CYP2C19: variants seen among roughly 807,000 people sequenced by gnomAD.
The protein encoded by CYP2C19 is cytochrome P450 2C19.
CYP2C19 carries 59 observed loss-of-function variants against 40.9 expected under a neutral mutation model. That is an observed-to-expected ratio of 1.44 (90% confidence interval 1.17 to 1.79). CYP2C19 has a LOEUF of 1.79. Ranked by LOEUF, CYP2C19 falls within the 40% of genes most tolerant of loss-of-function variation. The pLI is 0.00. For missense variants in CYP2C19, 754 were observed against 596.9 expected (o/e 1.26, Z -2.74); for synonymous variants, 253 against 208.7 (o/e 1.21, Z -1.83).
rs1408572506 is a variant in CYP2C19 at position 94,771,342 on chromosome 10, G to A, written c.169-3716G>A. Among the ~76,000 whole-genome samples, 9 of 152,152 alleles carry A rather than the reference G, an allele frequency of 5.9e-5. No homozygotes were observed. The East Asian group carries it at 1.7e-3, about 29-fold the overall frequency. ...GTAGGCTAGGATACGGGGGTAAGCT[G>A]AAAAGTCCTCCTGTGGGATGTAAAT... is the stretch of plus-strand genomic sequence containing the variant. On this transcript the variant is annotated intron_variant, in intron 1 of 8. Transcript: ENST00000371321.
At chr10:94,850,183 C>T in intron 8 of CYP2C19, 125 bp downstream of exon 8, 1 of 1,135,902 alleles carries the variant, frequency 8.8e-7, no homozygotes, top group Non-Finnish European at 1.3e-6. Context: ...GAGCACTGTT[C>T]TGAATGCCTG....
intron 5 of CYP2C19, among the ~76,000 whole-genome samples, chr10:94,802,248 A>C (rs1848777145): frequency 2.0e-5 from 3 of 152,122 alleles, no homozygotes; most frequent in Non-Finnish European, 4.4e-5. Context: ...GGTGCATTTT[A>C]CAATCCTTTT....
At chr10:94,849,770 GTCTA>G (rs934978447) in intron 7 of CYP2C19, 143 bp from the exon 8 acceptor site, 18 of 982,496 alleles carry the variant, frequency 1.8e-5, no homozygotes, top group Non-Finnish European at 2.8e-5. Context: ...TTATTACTTC[GTCTA>G]TCTGTCTGGA....
chr10:94,847,775 TG>T (rs1849595302), intron 7 of CYP2C19, among the ~76,000 whole-genome samples: 1 of 152,176 alleles, frequency 6.6e-6, no homozygotes, highest in Admixed American at 6.5e-5. Flanking sequence ...CCATTCTAAC[TG>T]GTGTGAGATG....
At chr10:94,842,718 A>C in intron 6 of CYP2C19, 119 bp from the exon 7 acceptor site, 2 of 1,116,426 alleles carry the variant, frequency 1.8e-6, no homozygotes, top group Non-Finnish European at 2.7e-6. Context: ...TTCCAGCACT[A>C]TAATTTAAAT....
intron 5 of CYP2C19, among the ~76,000 whole-genome samples, chr10:94,814,597 G>T (rs574873344): frequency 2.6e-5 from 4 of 151,944 alleles, no homozygotes; most frequent in East Asian, 3.9e-4. Context: ...GGGTGCCTCA[G>T]TGGCCTAGGT....
intron 5 of CYP2C19, among the ~76,000 whole-genome samples, chr10:94,809,869 G>C (rs1589362586): frequency 6.6e-6 from 1 of 151,712 alleles, no homozygotes; most frequent in South Asian, 2.1e-4. Context: ...GATTATGTTT[G>C]TGTGTGTTTG....
intron 5 of CYP2C19, among the ~76,000 whole-genome samples, chr10:94,812,730 C>T (rs1471163327): frequency 2.0e-5 from 3 of 151,820 alleles, no homozygotes; most frequent in African/African-American, 7.3e-5. Context: ...TCCATCAGGT[C>T]ACTCATGTTC....
In CYP2C19 at chr10:94,791,017, T is replaced by A. The variant is rs368838551; in HGVS notation, c.819+9020T>A. On this transcript the variant is annotated intron_variant, in intron 5 of 8. Coordinates refer to ENST00000371321, the MANE Select transcript of CYP2C19 (RefSeq NM_000769.4). ...GGTTCTGGACTTTTTTTGGTTGGTA[T>A]GCTATTAATTATTGCCTCAATTTCA... Among the ~76,000 whole-genome samples the A allele has an allele frequency of 2.4e-4, 36 of 152,138 alleles. No individual in the cohort carries two copies. The South Asian group carries it at 7.5e-3, about 32-fold the overall frequency.
At chr10:94,770,304 G>A (rs1848310086) in intron 1 of CYP2C19, among the ~76,000 whole-genome samples, 1 of 152,104 alleles carries the variant, frequency 6.6e-6, no homozygotes, top group African/African-American at 2.4e-5. Context: ...TAGCAGACAT[G>A]GGTGAGGGGG....
chr10:94,842,893 C>G lies in CYP2C19; in HGVS notation c.1018C>G (p.Gln340Glu). The change falls in exon 7 of 9, where the codon CAG (glutamine) becomes GAG (glutamate). Residue 340 changes from glutamine to glutamate, a missense_variant. Coordinates refer to ENST00000371321, the MANE Select transcript of CYP2C19 (RefSeq NM_000769.4). ...TGGCAGAAACCGGAGCCCCTGCATG[C>G]AGGACAGGGGCCACATGCCCTACAC... ...VIGRNRSPCMQDRGHMPYTDA... is the reference protein window; with the variant it reads ...VIGRNRSPCMEDRGHMPYTDA... 4 of 1,613,748 alleles carry G rather than the reference C, an allele frequency of 2.5e-6. No individual in the cohort carries two copies. The highest frequency in any genetic ancestry group is 3.4e-6 in the Non-Finnish European group (4 of 1,179,628).
chr10:94,802,542 G>A (rs1290029364), intron 5 of CYP2C19, among the ~76,000 whole-genome samples: 2 of 151,986 alleles, frequency 1.3e-5, no homozygotes, highest in East Asian at 1.9e-4. Context: ...TATCCAATTT[G>A]CCAGTCTGTG....
chr10:94,842,393 G>GTTTTTT (rs57865512), intron 6 of CYP2C19, among the ~76,000 whole-genome samples: 2 of 86,944 alleles, frequency 2.3e-5, no homozygotes, highest in African/African-American at 4.5e-5. Context: ...TTTAAGTGAA[G>GTTTTTT]TTTTTTTTTT....
chr10:94,801,332 G>A lies in CYP2C19; in HGVS notation c.820-19164G>A, dbSNP rs116897631. On this transcript the variant is annotated intron_variant, in intron 5 of 8. Transcript: ENST00000371321. ...GGTTTCAAAGAACATTATTACTTTTGCCTTAATTTCGTTAGTTACTCAGTA... is the reference window on the plus strand; with the variant it reads ...GGTTTCAAAGAACATTATTACTTTTACCTTAATTTCGTTAGTTACTCAGTA... Among the ~76,000 whole-genome samples, 389 of 152,128 alleles carry A rather than the reference G, an allele frequency of 2.6e-3. 13 individuals carry two copies. The East Asian group carries it at 0.061, about 24-fold the overall frequency.
At chr10:94,835,102 G>A (rs1257777362) in intron 6 of CYP2C19, among the ~76,000 whole-genome samples, 4 of 152,084 alleles carry the variant, frequency 2.6e-5, no homozygotes, top group Admixed American at 2.6e-4. Context: ...CTGCATCTGG[G>A]GCTCCATTTG....
intron 5 of CYP2C19, among the ~76,000 whole-genome samples, chr10:94,811,338 T>A (rs1335543921): frequency 6.6e-6 from 1 of 151,292 alleles, no homozygotes; most frequent in Non-Finnish European, 1.5e-5. Context: ...GAAGTGGTGC[T>A]GAGAAGAATG....
At position 94,763,491 on chromosome 10, in the gene CYP2C19, C is replaced by T. The variant is rs373995621; in HGVS notation, c.168+618C>T. Reference sequence around the variant, plus strand: ...AGGGTTAGAAGATGTATAAGCATTACGGTTTTTTCTTGAGTAAAAGATGTT... The same window carrying T: ...AGGGTTAGAAGATGTATAAGCATTATGGTTTTTTCTTGAGTAAAAGATGTT... On this transcript the variant is annotated intron_variant, in intron 1 of 8. Coordinates refer to ENST00000371321, the MANE Select transcript of CYP2C19 (RefSeq NM_000769.4). Among the ~76,000 whole-genome samples, 12 of 152,022 alleles carry T rather than the reference C, an allele frequency of 7.9e-5. No individual in the cohort carries two copies. The East Asian group carries it at 1.2e-3, about 15-fold the overall frequency.
At chr10:94,851,972 A>T (rs969817780) in intron 8 of CYP2C19, among the ~76,000 whole-genome samples, 4 of 152,218 alleles carry the variant, frequency 2.6e-5, no homozygotes, top group South Asian at 2.1e-4. Context: ...GAAAGAGAGT[A>T]AAAAAGGAGA....
intron 6 of CYP2C19, among the ~76,000 whole-genome samples, 178 bp downstream of exon 6, chr10:94,820,815 T>G (rs1042422776): frequency 1.3e-5 from 2 of 152,238 alleles, no homozygotes; most frequent in African/African-American, 4.8e-5. Flanking sequence ...CCTGGTGCAG[T>G]GGCTCATGAT....
Sources: gnomAD v4.1 joint callset for allele counts (sites outside exome capture counted in the v4.1 genomes callset) on GRCh38, gnomAD v4.1.1 for gene constraint, MANE v1.5 for transcripts, NCBI Gene and HGNC (gene_info 2026-07-23, HGNC 2026-07-21) for gene names.